The following ZNRF1 variants were observed in gnomAD, a reference collection of about 807,000 sequenced individuals.
The protein encoded by ZNRF1 is zinc and ring finger 1.
Under a neutral mutation model 18.4 loss-of-function variants are expected in ZNRF1, and 3 were observed. The observed-to-expected ratio is 0.16, with a 90% CI of 0.07 to 0.42. The LOEUF (loss-of-function observed/expected upper bound fraction) is 0.42. ZNRF1 is among the 10% of genes least tolerant of loss of function. The pLI is 0.99. For missense variants in ZNRF1, 310 were observed against 329.8 expected, an observed-to-expected ratio of 0.94 and a Z score of 0.47; for synonymous variants, 157 against 144.2, an observed-to-expected ratio of 1.09 and a Z score of -0.64.
chr16:75,087,150 G>A (rs1327693822), intron 1 of ZNRF1, among the ~76,000 whole-genome samples: 1 of 152,242 alleles, frequency 6.6e-6, no homozygotes, highest in African/African-American at 2.4e-5. Flanking sequence ...GCTTGAACCA[G>A]TTGCCCCCAT....
At chr16:75,092,817 G>A (rs1295191391) in intron 1 of ZNRF1, among the ~76,000 whole-genome samples, 2 of 152,214 alleles carry the variant, frequency 1.3e-5, no homozygotes, top group Non-Finnish European at 2.9e-5. Flanking sequence ...CTGAGGCTGG[G>A]AGCTGGGTGA....
At chr16:75,081,525 G>A (rs545717415) in intron 1 of ZNRF1, among the ~76,000 whole-genome samples, 3 of 152,310 alleles carry the variant, frequency 2.0e-5, no homozygotes, top group African/African-American at 7.2e-5. Context: ...GAACAGGCAG[G>A]GGAATTCAAG....
At chr16:75,003,466 G>A (rs948794) in intron 1 of ZNRF1, among the ~76,000 whole-genome samples, 144,902 of 152,244 alleles carry the variant, frequency 0.95, 69,371 homozygotes, top group East Asian at 1. Flanking sequence ...TCATCACTCT[G>A]ACTCTATGGA....
intron 2 of ZNRF1, among the ~76,000 whole-genome samples, chr16:75,101,026 C>A (rs142288087): frequency 1.3e-5 from 2 of 152,184 alleles, no homozygotes; most frequent in Non-Finnish European, 2.9e-5. Context: ...CTCTGCCTCC[C>A]GGGTTCAAAT....
intron 1 of ZNRF1, among the ~76,000 whole-genome samples, chr16:75,007,333 G>A (rs1567463475): frequency 6.6e-6 from 1 of 152,158 alleles, no homozygotes; most frequent in African/African-American, 2.4e-5. Flanking sequence ...GGGATTACAG[G>A]TGTCAGCGAC....
At chr16:75,042,804 G>T (rs2035466450) in intron 1 of ZNRF1, among the ~76,000 whole-genome samples, 1 of 152,080 alleles carries the variant, frequency 6.6e-6, no homozygotes, top group Non-Finnish European at 1.5e-5. Flanking sequence ...TTTTCATTCA[G>T]AGGTCCTTGT....
chr16:75,025,464 A>G (rs941865566), intron 1 of ZNRF1, among the ~76,000 whole-genome samples: 3 of 152,096 alleles, frequency 2.0e-5, no homozygotes, highest in Admixed American at 2.0e-4. Context: ...TATCCCCCCA[A>G]AATTGTGCCC....
At chr16:75,093,750 G>A in intron 2 of ZNRF1, 83 bp downstream of exon 2, 1 of 1,134,664 alleles carries the variant, frequency 8.8e-7, no homozygotes, top group Admixed American at 1.8e-5. Context: ...CCAGTCGAGG[G>A]TGGTTCTGGG....
chr16:75,105,027 C>G (rs1257104120), intron 3 of ZNRF1, 138 bp downstream of exon 3: 1 of 690,542 alleles, frequency 1.4e-6, no homozygotes, highest in African/African-American at 1.8e-5. Context: ...AGGGCAGAGG[C>G]CATCAGACAG....
chr16:75,047,897 C>T (rs2145369342), intron 1 of ZNRF1, among the ~76,000 whole-genome samples: 1 of 151,934 alleles, frequency 6.6e-6, no homozygotes, highest in African/African-American at 2.4e-5. Context: ...TGGTGGTCTT[C>T]TCCGCTTCTC....
intron 1 of ZNRF1, among the ~76,000 whole-genome samples, chr16:75,035,127 C>A (rs965797042): frequency 1.3e-5 from 2 of 150,260 alleles, no homozygotes; most frequent in African/African-American, 2.5e-5. Context: ...CCTCCACCCC[C>A]CCTCCCCAGG....
At chr16:75,094,766 T>C (rs1474660889) in intron 2 of ZNRF1, among the ~76,000 whole-genome samples, 1 of 152,182 alleles carries the variant, frequency 6.6e-6, no homozygotes, top group Non-Finnish European at 1.5e-5. Flanking sequence ...CGATTTTCCA[T>C]GCTTAGTGTT....
At chr16:75,011,129 C>G (rs1169170841) in intron 1 of ZNRF1, among the ~76,000 whole-genome samples, 1 of 152,176 alleles carries the variant, frequency 6.6e-6, no homozygotes, top group African/African-American at 2.4e-5. Context: ...CATTTTGTTT[C>G]CATCTTAAAT....
intron 1 of ZNRF1, among the ~76,000 whole-genome samples, chr16:75,063,849 G>A (rs760783413): frequency 1.3e-5 from 2 of 152,208 alleles, no homozygotes; most frequent in African/African-American, 2.4e-5. Context: ...GGGAAAAGTG[G>A]CCTTTTGGGT....
chr16:75,050,401 C>A (rs1003233413), intron 1 of ZNRF1, among the ~76,000 whole-genome samples: 1 of 152,030 alleles, frequency 6.6e-6, no homozygotes, highest in Non-Finnish European at 1.5e-5. Context: ...TGGTGCACAC[C>A]TGTAGTCCCA....
At position 75,074,143 on chromosome 16, in the gene ZNRF1, G is replaced by C. The variant is rs575295042; in HGVS notation, c.425-19429G>C. On this transcript the variant is annotated intron_variant, in intron 1 of 4. Coordinates refer to ENST00000335325, the MANE Select transcript of ZNRF1 (RefSeq NM_032268.5). ...GCGTGCATGTGTAAAACGAGCCACA[G>C]ACTGCTAGTCTGTTCTGCTCTCCTG... 6.6e-5 allele frequency among the ~76,000 whole-genome samples: 10 copies of C among 152,296 alleles called. No homozygotes were observed. The South Asian group carries it at 2.1e-3, about 32-fold the overall frequency.
chr16:75,091,532 CT>C lies in ZNRF1; in HGVS notation c.425-2022del, dbSNP rs577306133. On this transcript the variant is annotated intron_variant, in intron 1 of 4. Coordinates refer to ENST00000335325, the MANE Select transcript of ZNRF1 (RefSeq NM_032268.5). ...CACACAGTCAAAAATCTGCATATAACTTTTTTTTTTTTTTTTTTGAGACAGG... is the reference window on the plus strand; with the variant it reads ...CACACAGTCAAAAATCTGCATATAACTTTTTTTTTTTTTTTTTGAGACAGG... 7.0e-3 allele frequency among the ~76,000 whole-genome samples: 909 copies of C among 129,084 alleles called. 3 individuals are homozygous for C. Among genetic ancestry groups the C allele is most frequent in the South Asian group, 0.013 (49 of 3,782 alleles). The allele number at this position is 129,084 out of a possible 152,430, so 84.7% of individuals were successfully genotyped here.
chr16:75,005,656 A>G (rs1349820885), intron 1 of ZNRF1, among the ~76,000 whole-genome samples: 1 of 152,184 alleles, frequency 6.6e-6, no homozygotes, highest in Non-Finnish European at 1.5e-5. Flanking sequence ...TATATCTACT[A>G]TGTCTTTTCC....
intron 1 of ZNRF1, among the ~76,000 whole-genome samples, chr16:75,016,788 A>T (rs1261231748): frequency 7.5e-6 from 1 of 132,678 alleles, no homozygotes; most frequent in East Asian, 2.2e-4. Context: ...CAGGTGATTC[A>T]CCTGCCTCGG....
Sources: gnomAD v4.1 joint callset for allele counts (sites outside exome capture counted in the v4.1 genomes callset) on GRCh38, gnomAD v4.1.1 for gene constraint, MANE v1.5 for transcripts, NCBI Gene and HGNC (gene_info 2026-07-23, HGNC 2026-07-21) for gene names.